The following PARD3 variants were observed in gnomAD, a reference collection of about 807,000 sequenced individuals.
PARD3 encodes partitioning defective 3 homolog.
A neutral mutation model predicts 155.4 loss-of-function variants in PARD3; 75 were observed. That is an observed-to-expected ratio of 0.48 (90% CI 0.40 to 0.58). The LOEUF is 0.58. Among genes scored for constraint, PARD3 ranks in the 20% least tolerant of loss-of-function variants. PARD3 has a pLI of 0.00. For missense variants in PARD3, 1,642 were observed against 1,721.7 expected (o/e 0.95, Z 0.82); for synonymous variants, 576 against 610.5 (o/e 0.94, Z 0.83).
intron 2 of PARD3, among the ~76,000 whole-genome samples, chr10:34,547,490 T>C (rs1323962936): frequency 3.3e-5 from 5 of 152,244 alleles, no homozygotes; most frequent in African/African-American, 1.2e-4. Flanking sequence ...ATGGGCATCA[T>C]TGCCAAGAAC....
At chr10:34,394,426 A>G (rs1296472257) in intron 7 of PARD3, among the ~76,000 whole-genome samples, 1 of 152,018 alleles carries the variant, frequency 6.6e-6, no homozygotes, top group East Asian at 1.9e-4. Context: ...CCCAGATTCA[A>G]GTGATCCTCC....
intron 5 of PARD3, among the ~76,000 whole-genome samples, chr10:34,413,390 T>C (rs1454773659): frequency 6.6e-6 from 1 of 151,080 alleles, no homozygotes; most frequent in Non-Finnish European, 1.5e-5. Flanking sequence ...ACACTTTTCC[T>C]GGAAAGTCAG....
chr10:34,672,395 A>G (rs2093625635), intron 2 of PARD3, among the ~76,000 whole-genome samples: 1 of 152,252 alleles, frequency 6.6e-6, no homozygotes, highest in Admixed American at 6.5e-5. Context: ...GTTCCCAGGC[A>G]GCATGCTCCA....
At chr10:34,130,097 T>C (rs1290838051) in intron 23 of PARD3, among the ~76,000 whole-genome samples, 1 of 152,172 alleles carries the variant, frequency 6.6e-6, no homozygotes, top group African/African-American at 2.4e-5. Flanking sequence ...TCTACTTCTG[T>C]AACTCACGTG....
intron 2 of PARD3, among the ~76,000 whole-genome samples, chr10:34,635,165 C>T (rs1205884830): frequency 1.3e-5 from 2 of 152,224 alleles, no homozygotes; most frequent in Admixed American, 6.5e-5. Context: ...AATGCAGCGA[C>T]GTGTTCAAGC....
intron 2 of PARD3, among the ~76,000 whole-genome samples, chr10:34,567,317 A>G (rs927684326): frequency 6.6e-6 from 1 of 152,218 alleles, no homozygotes; most frequent in Non-Finnish European, 1.5e-5. Context: ...TTTAAAAACA[A>G]TGTCAAAATA....
At chr10:34,132,293 G>A (rs1287620939) in intron 22 of PARD3, among the ~76,000 whole-genome samples, 1 of 152,084 alleles carries the variant, frequency 6.6e-6, no homozygotes, top group Non-Finnish European at 1.5e-5. Context: ...TTATAAGATA[G>A]GTGCAGAAGG....
At chr10:34,208,739 A>G (rs1043666986) in intron 22 of PARD3, among the ~76,000 whole-genome samples, 1 of 152,168 alleles carries the variant, frequency 6.6e-6, no homozygotes, top group Non-Finnish European at 1.5e-5. Context: ...AACCTCAAGG[A>G]GCCGAGGGCC....
intron 1 of PARD3, among the ~76,000 whole-genome samples, chr10:34,740,630 C>A (rs2094992576): frequency 1.3e-5 from 2 of 152,080 alleles, no homozygotes; most frequent in South Asian, 4.2e-4. Context: ...CTAACTTTCA[C>A]ACCAAGCTGT....
chr10:34,175,082 T>C (rs1280629377), intron 22 of PARD3, among the ~76,000 whole-genome samples: 2 of 152,186 alleles, frequency 1.3e-5, no homozygotes, highest in Non-Finnish European at 2.9e-5. Flanking sequence ...ATTAATTGTA[T>C]CAATCTGGCT....
Position 34,170,245 on chromosome 10 carries a change from G to A in PARD3, c.3420-38662C>T, listed in dbSNP as rs1486877265. The stretch of plus-strand genomic sequence containing the variant: ...TGGAACTACAGTTGCACACCACCAC[G>A]CCCAGCTAATTTTAAAATTTCTTGT... On this transcript the variant is annotated intron_variant, in intron 22 of 24. Coordinates refer to ENST00000374788, the MANE Select transcript of PARD3 (RefSeq NM_001184785.2). Among the ~76,000 whole-genome samples the A allele has an allele frequency of 5.9e-5, 9 of 151,984 alleles. No homozygotes were observed. In the South Asian group the frequency reaches 6.2e-4, roughly 11 times the overall value.
At chr10:34,616,314 CA>C (rs2091250140) in intron 2 of PARD3, among the ~76,000 whole-genome samples, 1 of 150,888 alleles carries the variant, frequency 6.6e-6, no homozygotes, top group Non-Finnish European at 1.5e-5. Flanking sequence ...GAGACTCTCT[CA>C]AAAAAAATTA....
intron 22 of PARD3, among the ~76,000 whole-genome samples, chr10:34,187,450 C>T (rs1950536961): frequency 1.3e-5 from 2 of 152,178 alleles, no homozygotes; most frequent in South Asian, 4.1e-4. Flanking sequence ...CAGGCCCATT[C>T]CTAGTGGTGA....
At chr10:34,722,172 AT>A (rs2094618899) in intron 1 of PARD3, among the ~76,000 whole-genome samples, 2 of 152,138 alleles carry the variant, frequency 1.3e-5, no homozygotes, top group African/African-American at 2.4e-5. Context: ...CAGCCTTGTG[AT>A]AAAGTGAGAT....
intron 4 of PARD3, among the ~76,000 whole-genome samples, chr10:34,466,716 A>G (rs2078029477): frequency 6.6e-6 from 1 of 152,136 alleles, no homozygotes; most frequent in South Asian, 2.1e-4. Flanking sequence ...CCTGGGCTTA[A>G]CAGAAATAAA....
At chr10:34,671,908 T>C (rs534178138) in intron 2 of PARD3, among the ~76,000 whole-genome samples, 75 of 152,252 alleles carry the variant, frequency 4.9e-4, no homozygotes, top group African/African-American at 9.6e-4. Flanking sequence ...TAGTTACATA[T>C]GATTTTTATT....
chr10:34,746,486 G>A (rs1835352274), intron 1 of PARD3, among the ~76,000 whole-genome samples: 2 of 152,034 alleles, frequency 1.3e-5, no homozygotes. Flanking sequence ...TTTTAAAATA[G>A]TAACACATTT....
chr10:34,418,509 A>G (rs958906115), intron 5 of PARD3, among the ~76,000 whole-genome samples: 1 of 152,058 alleles, frequency 6.6e-6, no homozygotes, highest in South Asian at 2.1e-4. Context: ...CACATTTCCA[A>G]TGGGAATGTG....
At chr10:34,149,313 T>C (rs1948671217) in intron 22 of PARD3, among the ~76,000 whole-genome samples, 1 of 152,130 alleles carries the variant, frequency 6.6e-6, no homozygotes, top group Admixed American at 6.5e-5. Context: ...TCCTCTTTCT[T>C]CTTGTATTCA....
Sources: gnomAD v4.1 joint callset for allele counts (sites outside exome capture counted in the v4.1 genomes callset) on GRCh38, gnomAD v4.1.1 for gene constraint, MANE v1.5 for transcripts, NCBI Gene and HGNC (gene_info 2026-07-23, HGNC 2026-07-21) for gene names.